The following NRXN3 variants were observed in gnomAD, a reference collection of about 807,000 sequenced individuals.
NRXN3 encodes neurexin 3.
A neutral mutation model predicts 137.6 loss-of-function variants in NRXN3; 32 were observed. That is an observed-to-expected ratio of 0.23 (90% confidence interval 0.18 to 0.31). The LOEUF is 0.31. Among genes scored for constraint, NRXN3 ranks in the 10% least tolerant of loss-of-function variants. The pLI, the probability that NRXN3 is intolerant of heterozygous loss-of-function variation, is 1.00. For missense variants in NRXN3, 1,574 were observed against 2,062.5 expected (o/e 0.76, Z 4.59); for synonymous variants, 798 against 784.5 (o/e 1.02, Z -0.29).
rs528943355 is a variant in NRXN3, at chr14:78,470,739, G to C, written c.757+172879G>C. 2.0e-5 allele frequency among the ~76,000 whole-genome samples: 3 copies of C among 152,214 alleles called. No individual in the cohort carries two copies. The South Asian group carries it at 6.2e-4, about 32-fold the overall frequency. On this transcript the variant is annotated intron_variant, in intron 4 of 20. Coordinates refer to ENST00000335750, the MANE Select transcript of NRXN3 (RefSeq NM_001330195.2). ...AAGAAGAGATATTTGTGTAAATATG[G>C]TTTCATCTATGACAATGTTTAGTAT...
chr14:78,514,928 T>G (rs184979294), intron 4 of NRXN3, among the ~76,000 whole-genome samples: 5 of 152,110 alleles, frequency 3.3e-5, no homozygotes, highest in African/African-American at 1.2e-4. Flanking sequence ...TGCAAAGCTC[T>G]AAGGTGGTAA....
At chr14:79,060,239 C>G (rs2099672490) in intron 15 of NRXN3, among the ~76,000 whole-genome samples, 1 of 152,162 alleles carries the variant, frequency 6.6e-6, no homozygotes, top group South Asian at 2.1e-4. Context: ...AGCCAAGAAG[C>G]CTTAAGATAA....
chr14:79,427,154 T>C (rs1215428290), intron 15 of NRXN3, among the ~76,000 whole-genome samples: 9 of 152,096 alleles, frequency 5.9e-5, no homozygotes, highest in Non-Finnish European at 2.9e-5. Context: ...GTGTTTCAAC[T>C]AACAGGAGGA....
chr14:78,219,923 G>C (rs1350017763), intron 1 of NRXN3, among the ~76,000 whole-genome samples: 3 of 152,122 alleles, frequency 2.0e-5, no homozygotes, highest in Non-Finnish European at 4.4e-5. Context: ...GAGGTGGATG[G>C]GGATGGAGGG....
At chr14:78,497,962 T>G (rs1177316794) in intron 4 of NRXN3, among the ~76,000 whole-genome samples, 1 of 152,224 alleles carries the variant, frequency 6.6e-6, no homozygotes, top group Non-Finnish European at 1.5e-5. Context: ...TTGCATTCAA[T>G]CATCTCCCCT....
chr14:78,623,955 C>T (rs1566915480), intron 4 of NRXN3, among the ~76,000 whole-genome samples: 1 of 152,108 alleles, frequency 6.6e-6, no homozygotes. Context: ...TAGCACTACC[C>T]CTTACCATCC....
chr14:78,172,427 C>T (rs558895727), intron 1 of NRXN3, among the ~76,000 whole-genome samples: 6 of 151,964 alleles, frequency 3.9e-5, no homozygotes, highest in African/African-American at 1.4e-4. Context: ...GGGTATGTGG[C>T]GGAAGGATGG....
At chr14:78,620,218 T>C (rs1396602071) in intron 4 of NRXN3, among the ~76,000 whole-genome samples, 2 of 152,180 alleles carry the variant, frequency 1.3e-5, no homozygotes, top group Non-Finnish European at 2.9e-5. Flanking sequence ...CCAAATGCAT[T>C]TGAAGCGATT....
chr14:79,435,300 CAAA>C (rs147005397), intron 15 of NRXN3, among the ~76,000 whole-genome samples: 2 of 123,580 alleles, frequency 1.6e-5, no homozygotes, highest in Admixed American at 7.8e-5. Context: ...GAAATTTGCT[CAAA>C]AAAAAAAAAA....
chr14:78,721,812 G>A (rs1054107824), intron 8 of NRXN3, among the ~76,000 whole-genome samples: 1 of 151,794 alleles, frequency 6.6e-6, no homozygotes, highest in African/African-American at 2.4e-5. Context: ...CAAGAAATGT[G>A]CAATTCATTT....
chr14:79,567,116 G>A (rs1169362443), intron 16 of NRXN3, among the ~76,000 whole-genome samples: 1 of 151,788 alleles, frequency 6.6e-6, no homozygotes, highest in African/African-American at 2.4e-5. Context: ...ATTCTTTGTT[G>A]CATCCAAGTA....
chr14:78,471,328 ACACACCCC>A (rs1257543606), intron 4 of NRXN3, among the ~76,000 whole-genome samples: 178 of 23,826 alleles, frequency 7.5e-3, no homozygotes, highest in African/African-American at 0.021. Context: ...ACACACACAC[ACACACCCC>A]CAAGAAATTC....
In NRXN3 at chr14:79,001,138, C is replaced by T. The variant is rs147335944; in HGVS notation, c.3262+12997C>T. ...TGGAATCTTTTGGTGGCGGATTCTGCCGACCGAGGGGAAGCCAGGAAGGAG... is the reference window on the plus strand; with the variant it reads ...TGGAATCTTTTGGTGGCGGATTCTGTCGACCGAGGGGAAGCCAGGAAGGAG... On this transcript the variant is annotated intron_variant, in intron 15 of 20. Coordinates refer to ENST00000335750, the MANE Select transcript of NRXN3 (RefSeq NM_001330195.2). 4.2e-3 allele frequency among the ~76,000 whole-genome samples: 632 copies of T among 152,192 alleles called. 1 individual carries two copies. Among genetic ancestry groups the T allele is most frequent in the Middle Eastern group, 0.031 (9 of 294 alleles).
At chr14:79,571,984 A>G (rs1325243133) in intron 16 of NRXN3, among the ~76,000 whole-genome samples, 1 of 152,168 alleles carries the variant, frequency 6.6e-6, no homozygotes, top group Non-Finnish European at 1.5e-5. Flanking sequence ...TTGTTTGTTT[A>G]AGGCCTGAAA....
chr14:79,808,821 T>C (rs1433628118), intron 20 of NRXN3, among the ~76,000 whole-genome samples: 2 of 152,178 alleles, frequency 1.3e-5, no homozygotes, highest in Non-Finnish European at 2.9e-5. Context: ...TCAAATCACA[T>C]TGGATTTTTA....
chr14:78,581,884 T>G (rs1020984662), intron 4 of NRXN3, among the ~76,000 whole-genome samples: 2 of 152,236 alleles, frequency 1.3e-5, no homozygotes, highest in African/African-American at 4.8e-5. Flanking sequence ...ATTTTGCTCA[T>G]GTCCTAGTTC....
intron 15 of NRXN3, among the ~76,000 whole-genome samples, chr14:79,444,069 C>T (rs1600387910): frequency 6.6e-6 from 1 of 152,242 alleles, no homozygotes; most frequent in Non-Finnish European, 1.5e-5. Flanking sequence ...GAAAATAAAT[C>T]CTCTGTATTA....
At chr14:78,590,305 A>T (rs892920678) in intron 4 of NRXN3, among the ~76,000 whole-genome samples, 1 of 152,188 alleles carries the variant, frequency 6.6e-6, no homozygotes, top group Admixed American at 6.5e-5. Flanking sequence ...TCGTGATCCC[A>T]TTCCCCTTAC....
chr14:79,158,464 A>G (rs1389146116), intron 15 of NRXN3, among the ~76,000 whole-genome samples: 1 of 151,786 alleles, frequency 6.6e-6, no homozygotes, highest in Non-Finnish European at 1.5e-5. Context: ...TCAAACAAAG[A>G]AATATTATTT....
Sources: allele counts gnomAD v4.1 joint callset (sites outside exome capture counted in the v4.1 genomes callset), GRCh38; gene constraint gnomAD v4.1.1; transcripts MANE v1.5; gene names NCBI Gene and HGNC (gene_info 2026-07-23, HGNC 2026-07-21).